The following RAB21 variants were observed in gnomAD, a reference collection of about 807,000 sequenced individuals.
RAB21 encodes ras-related protein Rab-21.
A neutral mutation model predicts 33.1 loss-of-function variants in RAB21; 13 were observed. That is an observed-to-expected ratio of 0.39 (90% CI 0.26 to 0.62). The LOEUF (loss-of-function observed/expected upper bound fraction) is 0.62, where lower values mean the gene tolerates loss of function less well. Ranked by LOEUF, RAB21 falls within the 20% of genes least tolerant of loss-of-function variation. RAB21 has a pLI of 0.48. For missense variants in RAB21, 234 were observed against 279.1 expected (o/e 0.84, Z 1.15); for synonymous variants, 91 against 103.7 (o/e 0.88, Z 0.74).
rs559145953 is a variant in RAB21, at chr12:71,792,594, A to G, written c.*6921A>G. ...TGAAAATTCAGAAAGCAGGTTAAGC[A>G]TATATGTGAGTTTAATAATTGTTTC... is the stretch of plus-strand genomic sequence containing the variant. On this transcript the variant is annotated 3_prime_UTR_variant, in exon 7 of 7. Transcript: ENST00000261263. The G allele has an allele frequency of 2.6e-5, 4 of 152,254 alleles. No individual in the cohort carries two copies. Among genetic ancestry groups the G allele is most frequent in the Non-Finnish European group, 1.5e-5 (1 of 68,040 alleles). 9.4% of individuals were successfully genotyped at this position (152,254 alleles called of 1,614,324 possible).
chr12:71,769,757 T>G, intron 1 of RAB21, 43 bp from the exon 2 acceptor site: 1 of 1,069,130 alleles, frequency 9.4e-7, no homozygotes, highest in East Asian at 2.8e-5. Flanking sequence ...TAAAGAACCT[T>G]ATTTTATAAG....
chr12:71,769,254 T>G (rs1236040661), intron 1 of RAB21, among the ~76,000 whole-genome samples: 1 of 152,232 alleles, frequency 6.6e-6, no homozygotes, highest in Non-Finnish European at 1.5e-5. Context: ...AATTATCACA[T>G]GGAATCGTAA....
At chr12:71,782,152 CT>C in intron 5 of RAB21, 67 bp downstream of exon 5, 2 of 1,431,896 alleles carry the variant, frequency 1.4e-6, no homozygotes, top group Non-Finnish European at 1.9e-6. Context: ...ATACGTTTTG[CT>C]TTACCATTTA....
chr12:71,762,483 T>G lies in RAB21; in HGVS notation c.159+7195T>G, dbSNP rs893749234. 4.0e-5 allele frequency among the ~76,000 whole-genome samples: 6 copies of G among 151,684 alleles called. No individual in the cohort carries two copies. In the South Asian group the frequency reaches 1.2e-3, roughly 31 times the overall value. On this transcript the variant is annotated intron_variant, in intron 1 of 6. Transcript: ENST00000261263. ...ACCACGCCCGGCTAATTTTTTGTAT[T>G]TTTAGTAGAGACGGGGTTTCACCGT...
rs1490830544 is a variant in RAB21, at chr12:71,788,577, T to C, written c.*2904T>C. On this transcript the variant is annotated 3_prime_UTR_variant, in exon 7 of 7. Coordinates refer to ENST00000261263, the MANE Select transcript of RAB21 (RefSeq NM_014999.4). ...TCTGATGCTTTCTTCATTTCTCTAA[T>C]ATACCTTTTGCATTCTTTTTCTGAT... 1 of 152,216 alleles carries C rather than the reference T, an allele frequency of 6.6e-6. No homozygotes were observed. Among genetic ancestry groups the C allele is most frequent in the East Asian group, 1.9e-4 (1 of 5,198 alleles). The allele number at this position is 152,216 out of a possible 1,614,324, so 9.4% of individuals were successfully genotyped here.
chr12:71,779,315 C>G (rs535748587), intron 4 of RAB21, among the ~76,000 whole-genome samples: 2 of 152,180 alleles, frequency 1.3e-5, no homozygotes, highest in South Asian at 4.1e-4. Context: ...CAAAAATTAG[C>G]CAGATGCGGT....
intron 1 of RAB21, among the ~76,000 whole-genome samples, chr12:71,763,311 G>A (rs575725919): frequency 1.1e-4 from 16 of 151,800 alleles, no homozygotes; most frequent in Non-Finnish European, 2.2e-4. Context: ...TTGACAGAAC[G>A]GTAGTTAGCA....
intron 1 of RAB21, among the ~76,000 whole-genome samples, chr12:71,763,198 T>G (rs1395208504): frequency 6.6e-6 from 1 of 150,672 alleles, no homozygotes; most frequent in Non-Finnish European, 1.5e-5. Context: ...TGAATTTAGT[T>G]GATACTAGAT....
At chr12:71,774,143 AT>A in intron 4 of RAB21, 121 bp downstream of exon 4, 1 of 622,472 alleles carries the variant, frequency 1.6e-6, no homozygotes, top group Non-Finnish European at 2.5e-6. Flanking sequence ...TAATATAAAT[AT>A]TTTAGAATAA....
Position 71,791,691 on chromosome 12 carries a change from A to G in RAB21, c.*6018A>G, listed in dbSNP as rs1314714826. 1.3e-5 allele frequency: 2 copies of G among 152,116 alleles called. No individual in the cohort carries two copies. Among genetic ancestry groups the G allele is most frequent in the African/African-American group, 4.8e-5 (2 of 41,396 alleles). 9.4% of individuals were successfully genotyped at this position (152,116 alleles called of 1,614,324 possible). On this transcript the variant is annotated 3_prime_UTR_variant, in exon 7 of 7. Coordinates refer to ENST00000261263, the MANE Select transcript of RAB21 (RefSeq NM_014999.4). ...GATCTCCCTTCCCTCATCATCCCAC[A>G]TCCCTTTTTAGAGGTAACCATTGTT...
rs552200491 is a variant in RAB21 at position 71,798,984 on chromosome 12, G to A, written c.*13311G>A. On this transcript the variant is annotated 3_prime_UTR_variant, in exon 7 of 7. Coordinates refer to ENST00000261263, the MANE Select transcript of RAB21 (RefSeq NM_014999.4). ...TTTGAAAGGCAAAAGTGAAGCAGAG[G>A]CCAAGTTTTGAAGTTCTTGAATGTT... 8.5e-5 allele frequency: 13 copies of A among 152,220 alleles called. No individual in the cohort carries two copies. Among genetic ancestry groups the A allele is most frequent in the African/African-American group, 3.1e-4 (13 of 41,450 alleles). The allele number at this position is 152,220 out of a possible 1,614,324, so 9.4% of individuals were successfully genotyped here.
At chr12:71,782,723 A>T in intron 6 of RAB21, 65 bp downstream of exon 6, 1 of 1,133,342 alleles carries the variant, frequency 8.8e-7, no homozygotes, top group South Asian at 1.6e-5. Flanking sequence ...AAAAAATAGT[A>T]TGTATTTTAC....
chr12:71,776,917 C>T (rs1883128649), intron 4 of RAB21, among the ~76,000 whole-genome samples: 2 of 152,142 alleles, frequency 1.3e-5, no homozygotes, highest in Non-Finnish European at 2.9e-5. Flanking sequence ...CTTCTTTGTA[C>T]CAGGCACTGT....
chr12:71,758,681 T>C (rs1882825992), intron 1 of RAB21, among the ~76,000 whole-genome samples: 1 of 151,938 alleles, frequency 6.6e-6, no homozygotes, highest in Admixed American at 6.6e-5. Flanking sequence ...GGTTTTGCTA[T>C]GTTGCCCAGG....
chr12:71,766,474 T>C (rs1882962528), intron 1 of RAB21, among the ~76,000 whole-genome samples: 1 of 152,124 alleles, frequency 6.6e-6, no homozygotes, highest in African/African-American at 2.4e-5. Flanking sequence ...CAGGGTGTTA[T>C]TGGCACCTGA....
At position 71,796,917 on chromosome 12, in the gene RAB21, C is replaced by G. The variant is rs902194478; in HGVS notation, c.*11244C>G. On this transcript the variant is annotated 3_prime_UTR_variant, in exon 7 of 7. Coordinates refer to ENST00000261263, the MANE Select transcript of RAB21 (RefSeq NM_014999.4). ...TGTGAGAGGAAAAAAGCATTAGATG[C>G]GATAGAATGGAATAATCTCTTTTTA... The G allele has an allele frequency of 6.6e-6, 1 of 152,042 alleles. No individual in the cohort carries two copies. Among genetic ancestry groups the G allele is most frequent in the Non-Finnish European group, 1.5e-5 (1 of 67,988 alleles). The allele number at this position is 152,042 out of a possible 1,614,324, so 9.4% of individuals were successfully genotyped here.
At chr12:71,762,615 C>T (rs1882892163) in intron 1 of RAB21, among the ~76,000 whole-genome samples, 1 of 151,936 alleles carries the variant, frequency 6.6e-6, no homozygotes, top group East Asian at 1.9e-4. Flanking sequence ...TGGTGTATCG[C>T]CCTTTCGCCT....
intron 2 of RAB21, 38 bp downstream of exon 2, chr12:71,769,897 CT>C (rs779968124): frequency 8.8e-7 from 1 of 1,135,180 alleles, no homozygotes; most frequent in Non-Finnish European, 1.2e-6. Context: ...GTGGAGGCTT[CT>C]TCCTTTTTTC....
intron 2 of RAB21, 129 bp from the exon 3 acceptor site, chr12:71,770,463 G>A: frequency 3.0e-6 from 2 of 677,086 alleles, no homozygotes; most frequent in South Asian, 1.7e-5. Context: ...TTTTGTTTCT[G>A]TTAATAGGGT....
Sources: gnomAD v4.1 joint callset for allele counts (sites outside exome capture counted in the v4.1 genomes callset) on GRCh38, gnomAD v4.1.1 for gene constraint, MANE v1.5 for transcripts, NCBI Gene and HGNC (gene_info 2026-07-23, HGNC 2026-07-21) for gene names.